Variants in AGAP1 observed in about 807,000 individuals in gnomAD.
AGAP1 encodes the protein arf-GAP with GTPase, ANK repeat and PH domain-containing protein 1.
A neutral mutation model predicts 105.3 loss-of-function variants in AGAP1; 29 were observed. The observed-to-expected ratio is 0.28, with a 90% confidence interval of 0.21 to 0.38. The LOEUF (loss-of-function observed/expected upper bound fraction) is 0.38, where lower values mean the gene tolerates loss of function less well. AGAP1 is among the 10% of genes least tolerant of loss of function. The probability of loss-of-function intolerance (pLI) is 1.00; values close to 1 mark genes in which losing one functional copy is unlikely to be tolerated. For synonymous variants in AGAP1, 509 were observed against 485.9 expected, an observed-to-expected ratio of 1.05 and a Z score of -0.63; for missense variants, 998 against 1,165.1, an observed-to-expected ratio of 0.86 and a Z score of 2.09.
rs748730628 is a variant in AGAP1, at chr2:235,774,447, A to G, written c.674-23312A>G. 3.9e-5 allele frequency: 18 copies of G among 463,558 alleles called. 1 individual carries two copies. The highest frequency in any genetic ancestry group is 3.6e-4 in the Admixed American group (15 of 41,524). The allele number at this position is 463,558 out of a possible 1,614,324, so 28.7% of individuals were successfully genotyped here. A position where few individuals can be genotyped will look rare whatever the true frequency, so the allele number is the denominator to read the frequency against. ...TCACGGCAGGCAGTCACTTTTCCCAAGTCAGCGTGGACTTGGGCAAGACCA... is the reference window on the plus strand; with the variant it reads ...TCACGGCAGGCAGTCACTTTTCCCAGGTCAGCGTGGACTTGGGCAAGACCA... On this transcript the variant is annotated intron_variant, in intron 6 of 17. Transcript: ENST00000304032.
At chr2:235,850,234 G>A (rs1032772017) in intron 9 of AGAP1, among the ~76,000 whole-genome samples, 1 of 152,384 alleles carries the variant, frequency 6.6e-6, no homozygotes, top group Non-Finnish European at 1.5e-5. Flanking sequence ...AGATGTGCGT[G>A]TTCCAACTCT....
chr2:236,021,099 G>A (rs1432922441), intron 13 of AGAP1, among the ~76,000 whole-genome samples: 1 of 150,376 alleles, frequency 6.6e-6, no homozygotes, highest in East Asian at 2.0e-4. Flanking sequence ...CAGGGAGGCA[G>A]AGGTTGCAGT....
chr2:235,924,375 G>A (rs2052342566), intron 11 of AGAP1, among the ~76,000 whole-genome samples: 1 of 152,088 alleles, frequency 6.6e-6, no homozygotes, highest in Non-Finnish European at 1.5e-5. Flanking sequence ...GCCACATGTG[G>A]ATCTGCTGTA....
At position 235,959,674 on chromosome 2, in the gene AGAP1, G is replaced by A. The variant is rs903880343; in HGVS notation, c.1484-8788G>A. Among the ~76,000 whole-genome samples, 2 of 152,052 alleles carry A rather than the reference G, an allele frequency of 1.3e-5. No homozygotes were observed. Among genetic ancestry groups the A allele is most frequent in the Non-Finnish European group, 2.9e-5 (2 of 67,960 alleles). ...CTCAATTCACATCCTAATTCACCCC[G>A]CCATCACCTTCTCAGCACCATGATG... On this transcript the variant is annotated intron_variant, in intron 12 of 17. Coordinates refer to ENST00000304032, the MANE Select transcript of AGAP1 (RefSeq NM_001037131.3). This position sits in a 1 kb window ranked among gnomAD's most constrained non-coding sequence, Gnocchi z 7.3.
intron 1 of AGAP1, among the ~76,000 whole-genome samples, chr2:235,526,614 A>T (rs1326562338): frequency 6.6e-6 from 1 of 152,176 alleles, no homozygotes; most frequent in African/African-American, 2.4e-5. Flanking sequence ...TTGGAGAAGT[A>T]AAAAAACCTT....
intron 10 of AGAP1, among the ~76,000 whole-genome samples, chr2:235,890,162 C>CTTTTTTTT (rs3059035): frequency 7.5e-6 from 1 of 132,470 alleles, no homozygotes; most frequent in African/African-American, 2.8e-5. Context: ...TAGTTATTCC[C>CTTTTTTTT]TTTTTTTTTT....
At chr2:235,531,799 CG>C (rs1198854555) in intron 1 of AGAP1, among the ~76,000 whole-genome samples, 2 of 151,636 alleles carry the variant, frequency 1.3e-5, no homozygotes, top group African/African-American at 2.4e-5. Context: ...TTAGTAGAGA[CG>C]GGGGTTTCAC....
intron 9 of AGAP1, among the ~76,000 whole-genome samples, chr2:235,838,396 A>G (rs1960417027): frequency 6.6e-6 from 1 of 152,204 alleles, no homozygotes; most frequent in South Asian, 2.1e-4. Flanking sequence ...AACATTTCAT[A>G]TGGTAGGAGG....
chr2:235,742,957 G>A (rs528077502), intron 4 of AGAP1, among the ~76,000 whole-genome samples: 42 of 152,180 alleles, frequency 2.8e-4, no homozygotes, highest in East Asian at 2.3e-3. Flanking sequence ...ACCTGAGGTC[G>A]GGAGTTCAAG....
chr2:236,018,728 G>A (rs1234929249), intron 13 of AGAP1, among the ~76,000 whole-genome samples: 2 of 152,298 alleles, frequency 1.3e-5, no homozygotes, highest in South Asian at 2.1e-4. Flanking sequence ...TTGCATCCAG[G>A]TGTTAGCCAG....
intron 11 of AGAP1, among the ~76,000 whole-genome samples, chr2:235,913,760 G>C (rs990571596): frequency 1.3e-5 from 2 of 152,116 alleles, no homozygotes; most frequent in Non-Finnish European, 1.5e-5. Context: ...CCTCATTGGT[G>C]CACATGACAT....
In AGAP1 at chr2:236,120,945, C is replaced by T. The variant is rs958741743; in HGVS notation, c.2370+498C>T. 9.2e-5 allele frequency among the ~76,000 whole-genome samples: 14 copies of T among 152,220 alleles called. No homozygotes were observed. Among genetic ancestry groups the T allele is most frequent in the Non-Finnish European group, 7.3e-5 (5 of 68,038 alleles). ...TCCTATTGAAGCATGTGTCACAATGCTTGAAGGAGTGAAAGAGAAGGATAA... is the reference window on the plus strand; with the variant it reads ...TCCTATTGAAGCATGTGTCACAATGTTTGAAGGAGTGAAAGAGAAGGATAA... On this transcript the variant is annotated intron_variant, in intron 17 of 17. Coordinates refer to ENST00000304032, the MANE Select transcript of AGAP1 (RefSeq NM_001037131.3). The surrounding 1 kb of genome is among the most constrained non-coding windows in gnomAD (Gnocchi z 6.0).
chr2:235,787,866 T>A lies in AGAP1; in HGVS notation c.674-9893T>A, dbSNP rs1327394613. Among the ~76,000 whole-genome samples, 1 of 139,396 alleles carries A rather than the reference T, an allele frequency of 7.2e-6. No individual in the cohort carries two copies. Among genetic ancestry groups the A allele is most frequent in the Non-Finnish European group, 1.6e-5 (1 of 62,738 alleles). The allele number at this position is 139,396 out of a possible 152,430, so 91.4% of individuals were successfully genotyped here. A position where few individuals can be genotyped will look rare whatever the true frequency, so the allele number is the denominator to read the frequency against. On this transcript the variant is annotated intron_variant, in intron 6 of 17. Coordinates refer to ENST00000304032, the MANE Select transcript of AGAP1 (RefSeq NM_001037131.3). This position sits in a 1 kb window ranked among gnomAD's most constrained non-coding sequence, Gnocchi z 4.4. Reference sequence around the variant, plus strand: ...GTACATTGTGGGACCAAGAGCAAGATCAAGAGCGTTCTAGACCATGAGCAT... The same window carrying A: ...GTACATTGTGGGACCAAGAGCAAGAACAAGAGCGTTCTAGACCATGAGCAT...
At position 235,586,266 on chromosome 2, in the gene AGAP1, C is replaced by T. The variant is rs896851884; in HGVS notation, c.163+91417C>T. On this transcript the variant is annotated intron_variant, in intron 1 of 17. Transcript: ENST00000304032. The surrounding 1 kb of genome is among the most constrained non-coding windows in gnomAD (Gnocchi z 4.2). ...ATCCAGAAGAGAGGAGAGAGAAGCC[C>T]GCTGCACTCTCCACTGACCAGACCA... Among the ~76,000 whole-genome samples the T allele has an allele frequency of 3.3e-5, 5 of 152,136 alleles. No homozygotes were observed. The highest frequency in any genetic ancestry group is 4.8e-5 in the African/African-American group (2 of 41,436).
chr2:235,925,848 C>T (rs2052422305), intron 11 of AGAP1, among the ~76,000 whole-genome samples: 1 of 152,150 alleles, frequency 6.6e-6, no homozygotes, highest in African/African-American at 2.4e-5. Context: ...ATGTCAGGAT[C>T]CTTACCCCTC....
intron 1 of AGAP1, among the ~76,000 whole-genome samples, chr2:235,654,472 G>C (rs974485641): frequency 1.3e-5 from 2 of 152,164 alleles, no homozygotes; most frequent in African/African-American, 4.8e-5. Flanking sequence ...AATATTCTAC[G>C]CCACTGATTG....
rs1056278264 is a variant in AGAP1, at chr2:235,610,420, A to T, written c.164-98759A>T. On this transcript the variant is annotated intron_variant, in intron 1 of 17. Coordinates refer to ENST00000304032, the MANE Select transcript of AGAP1 (RefSeq NM_001037131.3). This position sits in a 1 kb window ranked among gnomAD's most constrained non-coding sequence, Gnocchi z 4.9. ...GGAAGTCCAAGATCAGGGTGCTGGC[A>T]TGGTTGGACTCTGGAGAGACTCTTG... 6.6e-6 allele frequency among the ~76,000 whole-genome samples: 1 copy of T among 152,146 alleles called. No homozygotes were observed. The highest frequency in any genetic ancestry group is 1.5e-5 in the Non-Finnish European group (1 of 68,034).
chr2:235,882,489 G>A lies in AGAP1; in HGVS notation c.1051-856G>A, dbSNP rs2050077826. 6.5e-7 allele frequency: 1 copy of A among 1,538,422 alleles called. No individual in the cohort carries two copies. The highest frequency in any genetic ancestry group is 1.1e-5 in the South Asian group (1 of 88,674). The stretch of plus-strand genomic sequence containing the variant: ...GATTCCCCCCACGTCTGGTTTGTCT[G>A]CCATTTTCTTAAAACAATCGGTACC... On this transcript the variant is annotated intron_variant, in intron 9 of 17. Coordinates refer to ENST00000304032, the MANE Select transcript of AGAP1 (RefSeq NM_001037131.3). This position sits in a 1 kb window ranked among gnomAD's most constrained non-coding sequence, Gnocchi z 4.6.
In AGAP1 at chr2:235,631,095, G is replaced by A. The variant is rs181452814; in HGVS notation, c.164-78084G>A. 1.6e-3 allele frequency among the ~76,000 whole-genome samples: 246 copies of A among 152,236 alleles called. 3 individuals are homozygous for A. The highest frequency in any genetic ancestry group is 5.5e-3 in the African/African-American group (230 of 41,566). ...TAGCTCCTTCATATGCAAATGCACT[G>A]GTAATGCCTGGATACCAGGGTTACA... On this transcript the variant is annotated intron_variant, in intron 1 of 17. Coordinates refer to ENST00000304032, the MANE Select transcript of AGAP1 (RefSeq NM_001037131.3). This position sits in a 1 kb window ranked among gnomAD's most constrained non-coding sequence, Gnocchi z 5.4.
Sources: gnomAD v4.1 joint callset for allele counts (sites outside exome capture counted in the v4.1 genomes callset) on GRCh38, gnomAD v4.1.1 for gene constraint, Gnocchi (gnomAD v3.1) non-coding constraint, MANE v1.5 for transcripts, NCBI Gene and HGNC (gene_info 2026-07-23, HGNC 2026-07-21) for gene names.